KIAA0513: variants seen among roughly 807,000 people sequenced by gnomAD.
The protein encoded by KIAA0513 is uncharacterized protein KIAA0513.
Under a neutral mutation model 56.5 loss-of-function variants are expected in KIAA0513, and 39 were observed. The ratio of observed to expected loss-of-function variants is 0.69; its 90% CI spans 0.53 to 0.90. The LOEUF is 0.90. Among genes scored for constraint, KIAA0513 ranks in the 40% least tolerant of loss-of-function variants. KIAA0513 has a pLI of 0.00. For missense variants in KIAA0513, 591 were observed against 535.2 expected (o/e 1.10, Z -1.03); for synonymous variants, 268 against 215.6 (o/e 1.24, Z -2.13).
At chr16:85,033,501 A>G (rs1409780506) in intron 1 of KIAA0513, among the ~76,000 whole-genome samples, 3 of 152,356 alleles carry the variant, frequency 2.0e-5, no homozygotes, top group African/African-American at 7.2e-5. Context: ...CACTTAGGCA[A>G]TGCTGCCCAG....
chr16:85,038,082 C>T (rs1035241767), intron 1 of KIAA0513, among the ~76,000 whole-genome samples: 2 of 152,188 alleles, frequency 1.3e-5, no homozygotes, highest in South Asian at 4.1e-4. Flanking sequence ...CCTGCAAGTC[C>T]CTGCTTCCAT....
chr16:85,063,867 A>G (rs1410732401), intron 1 of KIAA0513, among the ~76,000 whole-genome samples: 1 of 152,050 alleles, frequency 6.6e-6, no homozygotes, highest in Admixed American at 6.6e-5. Flanking sequence ...AAGCAGGAGC[A>G]CTCAGTAAAC....
chr16:85,061,704 G>A (rs988842341), intron 1 of KIAA0513, among the ~76,000 whole-genome samples: 2 of 152,226 alleles, frequency 1.3e-5, no homozygotes, highest in Non-Finnish European at 2.9e-5. Context: ...CCGGGATGCT[G>A]GGGAAATCAG....
chr16:85,078,357 G>T, intron 6 of KIAA0513, 58 bp from the exon 7 acceptor site: 1 of 1,594,750 alleles, frequency 6.3e-7, no homozygotes, highest in Non-Finnish European at 8.6e-7. Context: ...CAGCGTCTTT[G>T]AGTTGAGAAA....
chr16:85,037,849 A>T (rs2073055388), intron 1 of KIAA0513, among the ~76,000 whole-genome samples: 1 of 152,190 alleles, frequency 6.6e-6, no homozygotes, highest in East Asian at 1.9e-4. Context: ...TCCCTCCTCC[A>T]GGGAACCCTC....
chr16:85,043,159 T>C (rs984704303), intron 1 of KIAA0513, among the ~76,000 whole-genome samples: 1 of 152,124 alleles, frequency 6.6e-6, no homozygotes, highest in African/African-American at 2.4e-5. Context: ...ATAGGTACAG[T>C]AGCACTTGAA....
At chr16:85,071,149 T>A (rs1396434281) in intron 2 of KIAA0513, among the ~76,000 whole-genome samples, 1 of 152,084 alleles carries the variant, frequency 6.6e-6, no homozygotes, top group Non-Finnish European at 1.5e-5. Context: ...CATGTGAGCA[T>A]GTTATCCATC....
chr16:85,055,165 C>G (rs568526397), intron 1 of KIAA0513, among the ~76,000 whole-genome samples: 1 of 152,232 alleles, frequency 6.6e-6, no homozygotes, highest in East Asian at 1.9e-4. Context: ...TGAAGTGAGC[C>G]TCCCCGCCTT....
rs1368442625 is a variant in KIAA0513 at position 85,072,925 on chromosome 16, C to T, written c.430C>T (p.Arg144Cys). The part of the protein sequence containing the change: ...EWFARYVSAQ[R>C]CNSKCVSEAT... The stretch of plus-strand genomic sequence containing the variant: ...GATGTGTCTGCCTCTTTCTGGACAG[C>T]GCTGCAACTCCAAGTGTGTCTCAGA... The change falls in exon 4 of 13, where the codon CGC (arginine) becomes TGC (cysteine). Residue 144 changes from arginine to cysteine, a missense_variant and splice_region_variant. By Grantham distance (180) the Arg-to-Cys change is radical. Transcript: ENST00000683363. The T allele has an allele frequency of 3.1e-6, 5 of 1,614,048 alleles. No homozygotes were observed. The highest frequency in any genetic ancestry group is 3.4e-6 in the Non-Finnish European group (4 of 1,179,892).
rs1338073693 is a variant in KIAA0513 at position 85,090,687 on chromosome 16, C to T, written c.*2362C>T. 1.3e-5 allele frequency: 2 copies of T among 152,262 alleles called. No homozygotes were observed. The highest frequency in any genetic ancestry group is 2.9e-5 in the Non-Finnish European group (2 of 68,078). The allele number at this position is 152,262 out of a possible 1,614,324, so 9.4% of individuals were successfully genotyped here. A position where few individuals can be genotyped will look rare whatever the true frequency, so the allele number is the denominator to read the frequency against. On this transcript the variant is annotated 3_prime_UTR_variant, in exon 13 of 13. Transcript: ENST00000683363. ...CTCCTCAGAGTTGGAGGAAGGCTGA[C>T]AGAGAAGGTCTCCTCTGTGCTCCAT... is the stretch of plus-strand genomic sequence containing the variant.
rs1023708667 is a variant in KIAA0513 at position 85,091,754 on chromosome 16, G to A, written c.*3429G>A. ...GAGCTGTGAGATTCGCTTTTCCCTA[G>A]GCTGTTCCGCGTGGGTTACCTTATC... On this transcript the variant is annotated 3_prime_UTR_variant, in exon 13 of 13. Coordinates refer to ENST00000683363, the MANE Select transcript of KIAA0513 (RefSeq NM_001388359.1). 74 of 152,148 alleles carry A rather than the reference G, an allele frequency of 4.9e-4. 2 individuals carry two copies. Among genetic ancestry groups the A allele is most frequent in the Non-Finnish European group, 2.6e-4 (18 of 68,068 alleles). The allele number at this position is 152,148 out of a possible 1,614,324, so 9.4% of individuals were successfully genotyped here. A position where few individuals can be genotyped will look rare whatever the true frequency, so the allele number is the denominator to read the frequency against.
In KIAA0513 at chr16:85,091,787, A is replaced by AGCACTTGGTATTC. The variant is rs1597656899; in HGVS notation, c.*3463_*3475dup. 2 of 152,162 alleles carry AGCACTTGGTATTC rather than the reference A, an allele frequency of 1.3e-5. No individual in the cohort carries two copies. Among genetic ancestry groups the AGCACTTGGTATTC allele is most frequent in the East Asian group, 3.9e-4 (2 of 5,186 alleles). 9.4% of individuals were successfully genotyped at this position (152,162 alleles called of 1,614,324 possible). ...CGCGTGGGTTACCTTATCACCCTGG[A>AGCACTTGGTATTC]GCACTTGGTATTCCAGACCCCTGAC... On this transcript the variant is annotated 3_prime_UTR_variant, in exon 13 of 13. Coordinates refer to ENST00000683363, the MANE Select transcript of KIAA0513 (RefSeq NM_001388359.1).
In KIAA0513 at chr16:85,090,040, C is replaced by A. The variant is rs1290133708; in HGVS notation, c.*1715C>A. ...CGTGACCATGCTGCCAGTGTGCTCGCCATGAGCTGGGTCAGGGCTGGGGAG... is the reference window on the plus strand; with the variant it reads ...CGTGACCATGCTGCCAGTGTGCTCGACATGAGCTGGGTCAGGGCTGGGGAG... On this transcript the variant is annotated 3_prime_UTR_variant, in exon 13 of 13. Transcript: ENST00000683363. 1 of 152,250 alleles carries A rather than the reference C, an allele frequency of 6.6e-6. No homozygotes were observed. Among genetic ancestry groups the A allele is most frequent in the Non-Finnish European group, 1.5e-5 (1 of 68,118 alleles). 9.4% of individuals were successfully genotyped at this position (152,250 alleles called of 1,614,324 possible). A position where few individuals can be genotyped will look rare whatever the true frequency, so the allele number is the denominator to read the frequency against.
intron 1 of KIAA0513, among the ~76,000 whole-genome samples, chr16:85,028,746 G>A (rs989276067): frequency 7.9e-5 from 12 of 152,072 alleles, no homozygotes; most frequent in African/African-American, 2.2e-4. Flanking sequence ...TCCTCTCTAG[G>A]TAGGGGCCAG....
rs1463934709 is a variant in KIAA0513 at position 85,094,084 on chromosome 16, G to T, written c.*5759G>T. On this transcript the variant is annotated 3_prime_UTR_variant, in exon 13 of 13. Transcript: ENST00000683363. ...CGCTCGGTGATGTTCTACAAACTCT[G>T]TTTTAAGGTTGAGAAAGTTTCAAGG... 1 of 152,148 alleles carries T rather than the reference G, an allele frequency of 6.6e-6. No homozygotes were observed. Among genetic ancestry groups the T allele is most frequent in the Non-Finnish European group, 1.5e-5 (1 of 68,030 alleles). 9.4% of individuals were successfully genotyped at this position (152,148 alleles called of 1,614,324 possible).
chr16:85,067,628 C>T (rs2073507312), intron 2 of KIAA0513, among the ~76,000 whole-genome samples: 1 of 152,090 alleles, frequency 6.6e-6, no homozygotes, highest in East Asian at 1.9e-4. Context: ...CACTCCAGAC[C>T]AGTTATATCA....
In KIAA0513 at chr16:85,086,357, C is replaced by T. The variant is rs542714541; in HGVS notation, c.1011-287C>T. On this transcript the variant is annotated intron_variant, in intron 10 of 12. Transcript: ENST00000683363. The stretch of plus-strand genomic sequence containing the variant: ...GCTGCCTGTAGAGTGCCTGGATAGC[C>T]GCGTGGTGCTCCGTGCCTTCAGGGC... 8.1e-4 allele frequency among the ~76,000 whole-genome samples: 124 copies of T among 152,358 alleles called. 1 individual carries two copies. Among genetic ancestry groups the T allele is most frequent in the African/African-American group, 2.9e-3 (119 of 41,592 alleles).
chr16:85,056,980 C>T (rs1364042748), intron 1 of KIAA0513, among the ~76,000 whole-genome samples: 1 of 152,200 alleles, frequency 6.6e-6, no homozygotes, highest in Non-Finnish European at 1.5e-5. Context: ...GCTGGAATTA[C>T]AGGCAGGAGC....
intron 8 of KIAA0513, chr16:85,079,290 A>C (rs1408362159): frequency 4.4e-6 from 2 of 458,860 alleles, no homozygotes; most frequent in Non-Finnish European, 7.5e-6. Flanking sequence ...CAGCAGCTCC[A>C]CTCCTAGGAG....
Sources: gnomAD v4.1 joint callset for allele counts (sites outside exome capture counted in the v4.1 genomes callset) on GRCh38, gnomAD v4.1.1 for gene constraint, MANE v1.5 for transcripts, NCBI Gene and HGNC (gene_info 2026-07-23, HGNC 2026-07-21) for gene names.